REEP5: variants seen among roughly 807,000 people sequenced by gnomAD.
REEP5 encodes the protein receptor expression-enhancing protein 5.
A neutral mutation model predicts 22.4 loss-of-function variants in REEP5; 24 were observed. The ratio of observed to expected loss-of-function variants is 1.07; its 90% confidence interval spans 0.78 to 1.51. The LOEUF is 1.51. Ranked by LOEUF, REEP5 falls within the 40% of genes most tolerant of loss-of-function variation. The pLI, the probability that REEP5 is intolerant of heterozygous loss-of-function variation, is 0.00. For synonymous variants in REEP5, 103 were observed against 88.6 expected, an observed-to-expected ratio of 1.16 and a Z score of -0.92; for missense variants, 252 against 233.0, an observed-to-expected ratio of 1.08 and a Z score of -0.53.
chr5:112,892,816 A>C, intron 3 of REEP5: 1 of 1,613,892 alleles, frequency 6.2e-7, no homozygotes, highest in East Asian at 2.2e-5. Context: ...TCCAGACCAC[A>C]CCTACAAAAG....
intron 3 of REEP5, chr5:112,896,063 T>A (rs1768670576): frequency 6.5e-6 from 1 of 152,676 alleles, no homozygotes; most frequent in South Asian, 2.1e-4. Flanking sequence ...GGGGTATGCT[T>A]AACATGCAGT....
intron 3 of REEP5, among the ~76,000 whole-genome samples, chr5:112,890,369 C>CT (rs34475290): frequency 0.023 from 3,267 of 143,330 alleles, 252 homozygotes; most frequent in African/African-American, 0.078. Context: ...AAATTTAAGT[C>CT]TTTTTTTTTT....
At chr5:112,883,266 T>C (rs966865820) in intron 4 of REEP5, among the ~76,000 whole-genome samples, 1 of 152,230 alleles carries the variant, frequency 6.6e-6, no homozygotes, top group Non-Finnish European at 1.5e-5. Flanking sequence ...CTCAAATCCA[T>C]TGCAATCAGG....
In REEP5 at chr5:112,878,174, G is replaced by GTAT. The variant is rs1647529939; in HGVS notation, c.*609_*611dup. ...CTTTGTTCACTTGCATATTAATCACGTATTTCCTAAAGTATTATTTAGTAG... is the reference window on the plus strand; with the variant it reads ...CTTTGTTCACTTGCATATTAATCACGTATTATTTCCTAAAGTATTATTTAGTAG... On this transcript the variant is annotated 3_prime_UTR_variant, in exon 5 of 5. Coordinates refer to ENST00000379638, the MANE Select transcript of REEP5 (RefSeq NM_005669.5). 1 of 152,566 alleles carries GTAT rather than the reference G, an allele frequency of 6.6e-6. No homozygotes were observed. The highest frequency in any genetic ancestry group is 1.5e-5 in the Non-Finnish European group (1 of 68,062). The allele number at this position is 152,566 out of a possible 1,614,324, so 9.5% of individuals were successfully genotyped here.
At chr5:112,892,611 A>G (rs1768513942) in intron 3 of REEP5, 3 of 1,614,202 alleles carry the variant, frequency 1.9e-6, no homozygotes, top group African/African-American at 1.3e-5. Context: ...AAATACAACA[A>G]TGTCCAAGAG....
intron 4 of REEP5, among the ~76,000 whole-genome samples, chr5:112,880,796 C>G (rs887541341): frequency 6.6e-6 from 1 of 152,060 alleles, no homozygotes; most frequent in Non-Finnish European, 1.5e-5. Context: ...GCTGATTAGG[C>G]TAAGGGAAGG....
intron 2 of REEP5, among the ~76,000 whole-genome samples, chr5:112,906,343 T>C (rs1051723167): frequency 1.9e-4 from 29 of 152,244 alleles, no homozygotes; most frequent in African/African-American, 6.8e-4. Context: ...TTCACTATCC[T>C]ATGCTATTTT....
intron 3 of REEP5, among the ~76,000 whole-genome samples, chr5:112,891,181 TCC>T (rs752622069): frequency 6.6e-6 from 1 of 151,998 alleles, no homozygotes; most frequent in African/African-American, 2.4e-5. Context: ...CAAGCAGTTC[TCC>T]TGCCTCAGCC....
At chr5:112,888,320 A>G (rs1768323898) in intron 3 of REEP5, among the ~76,000 whole-genome samples, 1 of 152,240 alleles carries the variant, frequency 6.6e-6, no homozygotes, top group Non-Finnish European at 1.5e-5. Flanking sequence ...TAAAATGCAC[A>G]AATAGCTCAC....
At chr5:112,889,081 A>G (rs1161718908) in intron 3 of REEP5, among the ~76,000 whole-genome samples, 1 of 150,748 alleles carries the variant, frequency 6.6e-6, no homozygotes, top group Non-Finnish European at 1.5e-5. Flanking sequence ...TTCATCTTCC[A>G]CCATGATTGT....
At chr5:112,891,708 G>A (rs1440608268) in intron 3 of REEP5, 6 of 1,614,090 alleles carry the variant, frequency 3.7e-6, no homozygotes, top group Non-Finnish European at 5.1e-6. Flanking sequence ...GCCACAAAAA[G>A]TACAGGGCCG....
chr5:112,891,737 G>A (rs749293229), intron 3 of REEP5: 12 of 1,613,974 alleles, frequency 7.4e-6, no homozygotes, highest in Middle Eastern at 3.3e-4. Flanking sequence ...AAGGAGAAAC[G>A]AAAGAAACGT....
chr5:112,921,362 T>C, intron 1 of REEP5, 106 bp from the exon 2 acceptor site: 11 of 1,036,150 alleles, frequency 1.1e-5, no homozygotes, highest in Non-Finnish European at 1.6e-5. Flanking sequence ...AGTTTTCCTC[T>C]CGACTCGATT....
chr5:112,882,032 G>C (rs1367098942), intron 4 of REEP5: 1 of 153,238 alleles, frequency 6.5e-6, no homozygotes, highest in African/African-American at 2.4e-5. Flanking sequence ...TTGACCTCTG[G>C]AAGTGCTGTG....
intron 2 of REEP5, among the ~76,000 whole-genome samples, chr5:112,915,897 A>AC (rs34098007): frequency 1.1e-4 from 16 of 149,918 alleles, no homozygotes; most frequent in African/African-American, 2.7e-4. Flanking sequence ...AAAAAAAAAA[A>AC]CCCACAAGAA....
chr5:112,887,330 G>C, intron 3 of REEP5, 147 bp from the exon 4 acceptor site: 2 of 730,560 alleles, frequency 2.7e-6, no homozygotes, highest in South Asian at 4.4e-5. Flanking sequence ...CAGGTTAAAG[G>C]TGGGCTTTCT....
intron 2 of REEP5, among the ~76,000 whole-genome samples, chr5:112,918,821 C>G (rs1769286930): frequency 6.6e-6 from 1 of 152,306 alleles, no homozygotes; most frequent in East Asian, 1.9e-4. Flanking sequence ...GCCTCAGGGC[C>G]TGACACACTC....
In REEP5 at chr5:112,900,115, A is replaced by G. The variant is rs533326237; in HGVS notation, c.351+2265T>C. Among the ~76,000 whole-genome samples, 78 of 152,260 alleles carry G rather than the reference A, an allele frequency of 5.1e-4. 1 individual carries two copies. In the Middle Eastern group the frequency reaches 0.031, roughly 60 times the overall value. ...TATTTTAACTCACACTTCCCACATCACTGGTGAGCTGTTTACTAGCCATTC... is the reference window on the plus strand; with the variant it reads ...TATTTTAACTCACACTTCCCACATCGCTGGTGAGCTGTTTACTAGCCATTC... On this transcript the variant is annotated intron_variant, in intron 3 of 4. Coordinates refer to ENST00000379638, the MANE Select transcript of REEP5 (RefSeq NM_005669.5).
chr5:112,917,402 C>A (rs1769255024), intron 2 of REEP5, among the ~76,000 whole-genome samples: 1 of 152,166 alleles, frequency 6.6e-6, no homozygotes. Flanking sequence ...ATCTTTAAGG[C>A]CCAACTCTGA....
Sources: allele counts gnomAD v4.1 joint callset (sites outside exome capture counted in the v4.1 genomes callset), GRCh38; gene constraint gnomAD v4.1.1; transcripts MANE v1.5; gene names NCBI Gene and HGNC (gene_info 2026-07-23, HGNC 2026-07-21).